The following DDX60 variants were observed in gnomAD, a reference collection of about 807,000 sequenced individuals.
The protein encoded by DDX60 is probable ATP-dependent RNA helicase DDX60.
DDX60 carries 165 observed loss-of-function variants against 212.8 expected under a neutral mutation model. The ratio of observed to expected loss-of-function variants is 0.78; its 90% CI spans 0.68 to 0.88. DDX60 has a LOEUF of 0.88. DDX60 is among the 40% of genes least tolerant of loss of function. The pLI, the probability that DDX60 is intolerant of heterozygous loss-of-function variation, is 0.00. For synonymous variants in DDX60, 703 were observed against 685.3 expected, an observed-to-expected ratio of 1.03 and a Z score of -0.40; for missense variants, 1,905 against 2,003.9, an observed-to-expected ratio of 0.95 and a Z score of 0.94.
At chr4:168,291,927 A>C in intron 7 of DDX60, 21 bp from the exon 8 acceptor site, 2 of 1,587,768 alleles carry the variant, frequency 1.3e-6, no homozygotes, top group Admixed American at 1.8e-5. Flanking sequence ...TAAAGAAGGT[A>C]TAAGCCAGAG....
intron 33 of DDX60, among the ~76,000 whole-genome samples, chr4:168,229,484 A>G (rs1733371536): frequency 6.6e-6 from 1 of 152,022 alleles, no homozygotes; most frequent in Non-Finnish European, 1.5e-5. Context: ...TCAACCAAAC[A>G]CAAAGTTTCC....
In DDX60 at chr4:168,262,754, G is replaced by A; in HGVS notation, c.3073C>T (p.Leu1025Phe). 6.2e-7 allele frequency: 1 copy of A among 1,612,162 alleles called. No individual in the cohort carries two copies. Among genetic ancestry groups the A allele is most frequent in the Non-Finnish European group, 8.5e-7 (1 of 1,178,990 alleles). ...ERYGFPPDLT[L>F]SPRESIQLYD... ...AGCTGGATGCTTTCTCGAGGTGAAA[G>A]GGTAAGATCAGGAGGGAATCCATAC... Residue 1025 changes from leucine (L) to phenylalanine (F), a missense_variant, in exon 23 of 38, where the codon CTT becomes TTT. Physicochemically the swap from Leu to Phe is conservative, Grantham distance 22 (BLOSUM62 0). Transcript: ENST00000393743.
At chr4:168,308,858 A>G (rs1579084542) in intron 3 of DDX60, among the ~76,000 whole-genome samples, 1 of 152,002 alleles carries the variant, frequency 6.6e-6, no homozygotes, top group African/African-American at 2.4e-5. Context: ...TGCAGCCTAC[A>G]AATATGAAAA....
At position 168,284,860 on chromosome 4, in the gene DDX60, G is replaced by T. The variant is rs749878967; in HGVS notation, c.1521C>A (p.Pro507=). 5.4e-5 allele frequency: 86 copies of T among 1,592,468 alleles called. No homozygotes were observed. Among genetic ancestry groups the T allele is most frequent in the Non-Finnish European group, 6.9e-5 (80 of 1,166,674 alleles). Residue 507 remains proline (P), a synonymous_variant, in exon 12 of 38, where the codon CCC becomes CCA. Coordinates refer to ENST00000393743, the MANE Select transcript of DDX60 (RefSeq NM_017631.6). The part of the protein sequence containing the change: ...DELVHWHSHK[P]LSDDYDRSRC... ...TGGACCTGTCATAATCATCACTCAG[G>T]GGTTTATGAGAATGCCAGTGCACAA...
chr4:168,278,980 T>TCTG (rs1203058303), intron 14 of DDX60, among the ~76,000 whole-genome samples: 1 of 152,176 alleles, frequency 6.6e-6, no homozygotes, highest in African/African-American at 2.4e-5. Context: ...ACCAGGCTCT[T>TCTG]CTGGAAGAAG....
At chr4:168,304,442 T>G (rs1736789268) in intron 5 of DDX60, among the ~76,000 whole-genome samples, 1 of 152,170 alleles carries the variant, frequency 6.6e-6, no homozygotes, top group Non-Finnish European at 1.5e-5. Flanking sequence ...GATTCACACT[T>G]GTAATCTCAG....
Position 168,246,500 on chromosome 4 carries a change from T to C in DDX60, c.4082A>G (p.His1361Arg). Residue 1361 changes from histidine (H) to arginine (R), a missense_variant, in exon 30 of 38, where the codon CAC becomes CGC. By Grantham distance (29) the His-to-Arg change is conservative (BLOSUM62 0). Transcript: ENST00000393743. ...GACCAGGGTTATGCTGAGAGGGAAG[T>C]GTCCTCTCAGCTCAGGAACATTGGA... ...IKSNVPELRG[H>R]FPLSITLVLR... 6.2e-7 allele frequency: 1 copy of C among 1,614,036 alleles called. No individual in the cohort carries two copies. The highest frequency in any genetic ancestry group is 8.5e-7 in the Non-Finnish European group (1 of 1,179,964).
intron 5 of DDX60, among the ~76,000 whole-genome samples, chr4:168,304,669 C>A (rs2149548301): frequency 6.6e-6 from 1 of 152,006 alleles, no homozygotes; most frequent in Middle Eastern, 3.4e-3. Context: ...TCACTGCACT[C>A]CAGCCTGAGT....
chr4:168,320,932 G>A (rs1426474413), upstream of DDX60, among the ~76,000 whole-genome samples: 1 of 152,160 alleles, frequency 6.6e-6, no homozygotes, highest in African/African-American at 2.4e-5. Flanking sequence ...TTCATCAAAT[G>A]CTTCAAATTC....
intron 24 of DDX60, 135 bp from the exon 25 acceptor site, chr4:168,261,124 T>A: frequency 1.1e-6 from 1 of 949,240 alleles, no homozygotes; most frequent in Non-Finnish European, 1.5e-6. Context: ...GAAAGTACAT[T>A]ATAAAACGAG....
chr4:168,220,694 T>A lies in DDX60; in HGVS notation c.5000A>T (p.Tyr1667Phe). The change falls in exon 37 of 38, where the codon TAT becomes TTT. Residue 1667 changes from tyrosine (Y) to phenylalanine (F), a missense_variant. Coordinates refer to ENST00000393743, the MANE Select transcript of DDX60 (RefSeq NM_017631.6). ...DNRMNEGDAY[Y>F]LLKDFALTIK... Reference sequence around the variant, plus strand: ...GGTGAGTGCAAAATCCTTCAACAAATAATAAGCATCTCCTTCATTCATCCT... The same window carrying A: ...GGTGAGTGCAAAATCCTTCAACAAAAAATAAGCATCTCCTTCATTCATCCT... 1 of 1,449,262 alleles carries A rather than the reference T, an allele frequency of 6.9e-7. No homozygotes were observed. Among genetic ancestry groups the A allele is most frequent in the Non-Finnish European group, 9.1e-7 (1 of 1,096,912 alleles). The allele number at this position is 1,449,262 out of a possible 1,614,324, so 89.8% of individuals were successfully genotyped here.
At chr4:168,319,920 G>T (rs996300622), upstream of DDX60, among the ~76,000 whole-genome samples, 1 of 152,150 alleles carries the variant, frequency 6.6e-6, no homozygotes, top group South Asian at 2.1e-4. Context: ...GTTAAAAGAG[G>T]GGGATATGGG....
chr4:168,257,695 AC>A (rs904430037), intron 25 of DDX60, among the ~76,000 whole-genome samples: 1 of 152,224 alleles, frequency 6.6e-6, no homozygotes, highest in African/African-American at 2.4e-5. Context: ...CTCTCTGATA[AC>A]CTACATTTTA....
chr4:168,275,477 C>G lies in DDX60; in HGVS notation c.2172G>C (p.Lys724Asn), dbSNP rs1735294473. 6.2e-7 allele frequency: 1 copy of G among 1,607,340 alleles called. No homozygotes were observed. The highest frequency in any genetic ancestry group is 8.5e-7 in the Non-Finnish European group (1 of 1,177,100). The stretch of plus-strand genomic sequence containing the variant: ...TGCCAACTGAATATTTATTCCTTTT[C>G]TTCACTTTTACATCATTTTCTGCAT... ...AQDAENDVKV[K>N]KRNKYSVGIG... Residue 724 changes from lysine (K) to asparagine (N), a missense_variant, in exon 16 of 38, where the codon AAG becomes AAC. Transcript: ENST00000393743.
intron 24 of DDX60, 85 bp downstream of exon 24, chr4:168,261,915 A>C (rs1734638322): frequency 1.4e-6 from 2 of 1,440,678 alleles, no homozygotes; most frequent in African/African-American, 3.0e-5. Flanking sequence ...AGGATTAAAA[A>C]AAATCAGAAA....
intron 27 of DDX60, among the ~76,000 whole-genome samples, chr4:168,251,786 G>A (rs1734229971): frequency 6.6e-6 from 1 of 151,978 alleles, no homozygotes; most frequent in African/African-American, 2.4e-5. Flanking sequence ...ACAATAGAAT[G>A]ATACATATAT....
chr4:168,285,663 C>T (rs1205932333), intron 10 of DDX60, among the ~76,000 whole-genome samples, 165 bp from the exon 11 acceptor site: 1 of 151,246 alleles, frequency 6.6e-6, no homozygotes, highest in Non-Finnish European at 1.5e-5. Context: ...CACAGTAAAA[C>T]ACTTTGGAAC....
rs1420798596 is a variant in DDX60, at chr4:168,264,655, A to C, written c.3040-1868T>G. On this transcript the variant is annotated intron_variant, in intron 22 of 37. Coordinates refer to ENST00000393743, the MANE Select transcript of DDX60 (RefSeq NM_017631.6). ...CTGCCTGTGACATAGATTTCTTATGAGAATTATATTAGATAACATATGTAA... is the reference window on the plus strand; with the variant it reads ...CTGCCTGTGACATAGATTTCTTATGCGAATTATATTAGATAACATATGTAA... Among the ~76,000 whole-genome samples, 5 of 152,316 alleles carry C rather than the reference A, an allele frequency of 3.3e-5. No homozygotes were observed. The South Asian group carries it at 6.2e-4, about 19-fold the overall frequency.
In DDX60 at chr4:168,237,390, G is replaced by A. The variant is rs760378001; in HGVS notation, c.4307C>T (p.Ala1436Val). 4 of 1,597,508 alleles carry A rather than the reference G, an allele frequency of 2.5e-6. No individual in the cohort carries two copies. The highest frequency in any genetic ancestry group is 1.3e-5 in the African/African-American group (1 of 74,588). Residue 1436 changes from alanine (A) to valine (V), a missense_variant, in exon 32 of 38, where the codon GCT becomes GTT. Ala to Val is a moderately conservative substitution (Grantham distance 64). Transcript: ENST00000393743. ...LDQEGNPMGF[A>V]GLVSHLHYHE... The stretch of plus-strand genomic sequence containing the variant: ...ATAATGCAAATGTGATACAAGTCCA[G>A]CAAACCCCATAGGATTACCTTCTTG...
Sources: allele counts gnomAD v4.1 joint callset (sites outside exome capture counted in the v4.1 genomes callset), GRCh38; gene constraint gnomAD v4.1.1; transcripts MANE v1.5; gene names NCBI Gene and HGNC (gene_info 2026-07-23, HGNC 2026-07-21).